Variants in YY1 observed in about 807,000 individuals in gnomAD.
YY1 encodes YY1 transcription factor.
Under a neutral mutation model 35.6 loss-of-function variants are expected in YY1, and 2 were observed. That is an observed-to-expected ratio of 0.06 (90% confidence interval 0.02 to 0.18). The LOEUF (loss-of-function observed/expected upper bound fraction) is 0.18. Among genes scored for constraint, YY1 ranks in the 10% least tolerant of loss-of-function variants. The pLI, the probability that YY1 is intolerant of heterozygous loss-of-function variation, is 1.00. For missense variants in YY1, 322 were observed against 573.4 expected (o/e 0.56, Z 4.48); for synonymous variants, 268 against 238.9 (o/e 1.12, Z -1.12).
chr14:100,263,031 C>T (rs1220849612), intron 2 of YY1, among the ~76,000 whole-genome samples: 1 of 152,304 alleles, frequency 6.6e-6, no homozygotes, highest in Non-Finnish European at 1.5e-5. Flanking sequence ...CCTCAGCCTC[C>T]CAAGTAGCTG....
chr14:100,264,668 C>T (rs1891128576), intron 2 of YY1, among the ~76,000 whole-genome samples: 1 of 152,104 alleles, frequency 6.6e-6, no homozygotes, highest in Admixed American at 6.6e-5. Flanking sequence ...GTGAGTAGAG[C>T]GTTAACTTGG....
chr14:100,264,832 C>T (rs1891130801), intron 2 of YY1, among the ~76,000 whole-genome samples: 2 of 152,184 alleles, frequency 1.3e-5, no homozygotes, highest in African/African-American at 4.8e-5. Context: ...AAGAGACCAG[C>T]TGGGCTCTGT....
At position 100,255,712 on chromosome 14, in the gene YY1, G is replaced by A. The variant is rs560340965; in HGVS notation, c.680-6592G>A. ...AGTTTTATTATGGTTTTAAAATTAT[G>A]TACAGACCATGCAGCCTCTCTTGTC... On this transcript the variant is annotated intron_variant, in intron 1 of 4. Coordinates refer to ENST00000262238, the MANE Select transcript of YY1 (RefSeq NM_003403.5). Among the ~76,000 whole-genome samples, 30 of 152,292 alleles carry A rather than the reference G, an allele frequency of 2.0e-4. 1 individual carries two copies. The highest frequency in any genetic ancestry group is 1.8e-3 in the Admixed American group (28 of 15,284).
chr14:100,239,729 G>T lies in YY1; in HGVS notation c.485G>T (p.Gly162Val). Reference protein sequence around the residue: ...TVAAAGKSGGGGSSSSGGGRV... With the variant: ...TVAAAGKSGGVGSSSSGGGRV... ...GCGGCGGCCGGCAAGAGCGGCGGCG[G>T]CGGCTCGTCGTCGTCGGGAGGCGGC... The change falls in exon 1 of 5, where the codon GGC (glycine) becomes GTC (valine). Residue 162 changes from glycine to valine, a missense_variant. Transcript: ENST00000262238. 1 of 1,595,548 alleles carries T rather than the reference G, an allele frequency of 6.3e-7. No homozygotes were observed. Among genetic ancestry groups the T allele is most frequent in the Non-Finnish European group, 8.5e-7 (1 of 1,175,490 alleles).
rs1193610847 is a variant in YY1 at position 100,277,660 on chromosome 14, A to AG, written c.*60_*61insG. The AG allele has an allele frequency of 6.5e-7, 1 of 1,529,506 alleles. No homozygotes were observed. The highest frequency in any genetic ancestry group is 9.0e-7 in the Non-Finnish European group (1 of 1,109,542). The allele number at this position is 1,529,506 out of a possible 1,614,324, so 94.7% of individuals were successfully genotyped here. A position where few individuals can be genotyped will look rare whatever the true frequency, so the allele number is the denominator to read the frequency against. ...GCATCTTCCAGAAGTGTGATTGGGA[A>AG]TAAATATGCCTCTCCTTTGTATATT... is the stretch of plus-strand genomic sequence containing the variant. On this transcript the variant is annotated 3_prime_UTR_variant, in exon 5 of 5. Transcript: ENST00000262238. The surrounding 1 kb of genome is among the most constrained non-coding windows in gnomAD (Gnocchi z 5.6).
At chr14:100,260,465 ATG>A (rs1891067384) in intron 1 of YY1, among the ~76,000 whole-genome samples, 1 of 111,676 alleles carries the variant, frequency 9.0e-6, no homozygotes, top group South Asian at 3.8e-4. Context: ...ACACACATAT[ATG>A]TATTTTTTTT....
intron 1 of YY1, among the ~76,000 whole-genome samples, chr14:100,240,782 AC>A (rs1469718953): frequency 2.0e-5 from 3 of 149,236 alleles, no homozygotes; most frequent in Non-Finnish European, 4.4e-5. Flanking sequence ...TTAGTCACTT[AC>A]GTTTTGGGAA....
rs1401835871 is a variant in YY1, at chr14:100,239,324, A to AGGTGGAGACCATCCC, written c.94_108dup (p.Pro32_Ile36dup). 6 of 1,604,670 alleles carry AGGTGGAGACCATCCC rather than the reference A, an allele frequency of 3.7e-6. No homozygotes were observed. Among genetic ancestry groups the AGGTGGAGACCATCCC allele is most frequent in the East Asian group, 2.3e-5 (1 of 44,434 alleles). On this transcript the variant is annotated inframe_insertion, in exon 1 of 5. Transcript: ENST00000262238. ...GAGATCGTGGAGCTGCACGAGATCG[A>AGGTGGAGACCATCCC]GGTGGAGACCATCCCGGTGGAGACC...
Position 100,262,322 on chromosome 14 carries a change from A to G in YY1, c.698A>G (p.Asp233Gly). The G allele has an allele frequency of 1.2e-6, 2 of 1,613,900 alleles. No individual in the cohort carries two copies. The highest frequency in any genetic ancestry group is 1.7e-6 in the Non-Finnish European group (2 of 1,180,028). Residue 233 changes from aspartate to glycine, a missense_variant, in exon 2 of 5, where the codon GAC becomes GGC. By Grantham distance (94) the Asp-to-Gly change is moderately conservative. Coordinates refer to ENST00000262238, the MANE Select transcript of YY1 (RefSeq NM_003403.5). ...GTTTCAGATGAAAAAAAAGATATTG[A>G]CCATGAGACAGTGGTTGAAGAACAG... ...MWSSDEKKDI[D>G]HETVVEEQII... is the part of the protein sequence containing the mutation.
At chr14:100,257,565 G>A (rs1050031740) in intron 1 of YY1, among the ~76,000 whole-genome samples, 1 of 150,656 alleles carries the variant, frequency 6.6e-6, no homozygotes, top group African/African-American at 2.5e-5. Context: ...CATGGGATTA[G>A]TGCCCTATAA....
chr14:100,241,924 G>A (rs1890749372), intron 1 of YY1, among the ~76,000 whole-genome samples: 1 of 136,274 alleles, frequency 7.3e-6, no homozygotes, highest in African/African-American at 2.7e-5. Context: ...ACAGTGAGCC[G>A]AGATTGCACC....
intron 1 of YY1, among the ~76,000 whole-genome samples, chr14:100,243,276 A>G (rs999661349): frequency 2.0e-5 from 3 of 152,268 alleles, no homozygotes; most frequent in Non-Finnish European, 4.4e-5. Flanking sequence ...CATGGTGGGC[A>G]GCATTACTGC....
Position 100,239,506 on chromosome 14 carries a change from C to G in YY1, c.262C>G (p.Pro88Ala). Residue 88 changes from proline to alanine, a missense_variant, in exon 1 of 5, where the codon CCG becomes GCG. Physicochemically the swap from Pro to Ala is conservative, Grantham distance 27 (BLOSUM62 -1). Transcript: ENST00000262238. ...HHHPPMIALQ[P>A]LVTDDPTQVH... is the part of the protein sequence containing the mutation. ...CCACCCGCCCATGATCGCTCTGCAG[C>G]CGCTGGTCACCGACGACCCGACCCA... is the stretch of plus-strand genomic sequence containing the variant. 6.2e-7 allele frequency: 1 copy of G among 1,610,608 alleles called. No homozygotes were observed. The highest frequency in any genetic ancestry group is 8.5e-7 in the Non-Finnish European group (1 of 1,179,336).
chr14:100,249,760 G>GTTTT (rs34925666), intron 1 of YY1, among the ~76,000 whole-genome samples: 69 of 143,042 alleles, frequency 4.8e-4, no homozygotes, highest in Non-Finnish European at 6.3e-4. Context: ...TTTTTTTTTT[G>GTTTT]TTTGTTTTTG....
chr14:100,248,032 C>T (rs529020751), intron 1 of YY1, among the ~76,000 whole-genome samples: 6 of 152,000 alleles, frequency 3.9e-5, no homozygotes, highest in Admixed American at 3.3e-4. Flanking sequence ...GCAACCTCTG[C>T]CTCCCGAGTT....
intron 1 of YY1, among the ~76,000 whole-genome samples, chr14:100,242,366 G>GTTTTGTTTTTTGTT (rs1189000331): frequency 4.2e-5 from 3 of 71,498 alleles, no homozygotes; most frequent in Non-Finnish European, 8.2e-5. Context: ...TGGCTGTTTT[G>GTTTTGTTTTTTGTT]TTTTGTTTTT....
chr14:100,253,599 G>A (rs988814281), intron 1 of YY1, among the ~76,000 whole-genome samples: 6 of 152,002 alleles, frequency 3.9e-5, no homozygotes, highest in African/African-American at 1.4e-4. Context: ...TGTATTTTTA[G>A]TATTGATGGA....
At chr14:100,247,513 T>A (rs1206130081) in intron 1 of YY1, among the ~76,000 whole-genome samples, 1 of 152,072 alleles carries the variant, frequency 6.6e-6, no homozygotes. Context: ...CCCCAAGAGC[T>A]GGGACTACAG....
At chr14:100,247,213 A>G (rs1890846451) in intron 1 of YY1, among the ~76,000 whole-genome samples, 1 of 152,220 alleles carries the variant, frequency 6.6e-6, no homozygotes, top group Non-Finnish European at 1.5e-5. Context: ...GTCTGTTTTA[A>G]GGCTGGGAAA....
Sources: allele counts gnomAD v4.1 joint callset (sites outside exome capture counted in the v4.1 genomes callset), GRCh38; gene constraint gnomAD v4.1.1; non-coding constraint Gnocchi (gnomAD v3.1); transcripts MANE v1.5; gene names NCBI Gene and HGNC (gene_info 2026-07-23, HGNC 2026-07-21).